The following ZNF804B variants were observed in gnomAD, a reference collection of about 807,000 sequenced individuals.
ZNF804B encodes the protein zinc finger 804B.
In ZNF804B, 80 loss-of-function variants were observed where a neutral mutation model predicts 101.4. That is an observed-to-expected ratio of 0.79 (90% confidence interval 0.66 to 0.95). The LOEUF (loss-of-function observed/expected upper bound fraction) is 0.95, where lower values mean the gene tolerates loss of function less well. Ranked by LOEUF, ZNF804B falls within the 40% of genes least tolerant of loss-of-function variation. The pLI is 0.00. For missense variants in ZNF804B, 1,673 were observed against 1,561.9 expected (o/e 1.07, Z -1.20); for synonymous variants, 622 against 558.8 (o/e 1.11, Z -1.59).
At chr7:89,301,099 GTTTTTTTT>G (rs5885673) in intron 2 of ZNF804B, among the ~76,000 whole-genome samples, 10 of 77,656 alleles carry the variant, frequency 1.3e-4, no homozygotes, top group African/African-American at 4.6e-4. Flanking sequence ...TTTCAAGCGT[GTTTTTTTT>G]TTTTTTTTTT....
chr7:88,998,381 A>C (rs1224021322), intron 1 of ZNF804B, among the ~76,000 whole-genome samples: 2 of 152,088 alleles, frequency 1.3e-5, no homozygotes, highest in East Asian at 3.9e-4. Flanking sequence ...CTGAATGTGC[A>C]TAAATGACAT....
chr7:89,336,800 C>A lies in ZNF804B; in HGVS notation c.3818C>A (p.Ala1273Asp). Reference sequence around the variant, plus strand: ...GGTCATCCCCTGCATTTAGTAGCTGCTACCCCCTTCCACCCATCTCACATA... The same window carrying A: ...GGTCATCCCCTGCATTTAGTAGCTGATACCCCCTTCCACCCATCTCACATA... ...LAGHPLHLVA[A>D]TPFHPSHITL... The change falls in exon 4 of 4, where the codon GCT becomes GAT. Residue 1273 changes from alanine (A) to aspartate (D), a missense_variant. Physicochemically the swap from Ala to Asp is moderately radical, Grantham distance 126 (BLOSUM62 -2). Coordinates refer to ENST00000333190, the MANE Select transcript of ZNF804B (RefSeq NM_181646.5). 6.2e-7 allele frequency: 1 copy of A among 1,614,070 alleles called. No individual in the cohort carries two copies. Among genetic ancestry groups the A allele is most frequent in the Middle Eastern group, 1.6e-4 (1 of 6,062 alleles).
intron 2 of ZNF804B, among the ~76,000 whole-genome samples, chr7:89,292,064 A>G (rs908465209): frequency 5.9e-5 from 9 of 152,168 alleles, no homozygotes; most frequent in Non-Finnish European, 1.3e-4. Context: ...TTCAAAAATG[A>G]AAGAGAAATA....
intron 1 of ZNF804B, among the ~76,000 whole-genome samples, chr7:88,941,861 T>G (rs1442220578): frequency 6.6e-6 from 1 of 151,836 alleles, no homozygotes; most frequent in East Asian, 1.9e-4. Context: ...CCATTGACAT[T>G]TCTGGGTTGT....
chr7:89,157,708 A>G (rs1023470027), intron 1 of ZNF804B, among the ~76,000 whole-genome samples: 2 of 152,142 alleles, frequency 1.3e-5, no homozygotes, highest in African/African-American at 2.4e-5. Context: ...AATCTTTTCT[A>G]GTGTCTAGTT....
At chr7:89,197,658 C>T (rs1034035113) in intron 1 of ZNF804B, among the ~76,000 whole-genome samples, 2 of 151,836 alleles carry the variant, frequency 1.3e-5, no homozygotes, top group African/African-American at 4.8e-5. Context: ...GATCTTGATT[C>T]AATCTATGTC....
intron 1 of ZNF804B, among the ~76,000 whole-genome samples, chr7:88,877,443 A>C (rs1466993611): frequency 6.6e-6 from 1 of 152,102 alleles, no homozygotes; most frequent in African/African-American, 2.4e-5. Flanking sequence ...TCTGTAATAC[A>C]TATCTATCTG....
At chr7:89,292,630 A>G (rs1790314192) in intron 2 of ZNF804B, among the ~76,000 whole-genome samples, 2 of 151,998 alleles carry the variant, frequency 1.3e-5, no homozygotes, top group African/African-American at 2.4e-5. Flanking sequence ...AATAGACAAA[A>G]AAAGAAGTAA....
At chr7:89,218,403 C>A (rs1788929579) in intron 2 of ZNF804B, 108 bp downstream of exon 2, 1 of 1,289,412 alleles carries the variant, frequency 7.8e-7, no homozygotes, top group Non-Finnish European at 1.1e-6. Context: ...GAGGTAAGAA[C>A]ATTTTATGTC....
chr7:89,158,318 CTCCGTATAATCT>C (rs1488294547), intron 1 of ZNF804B, among the ~76,000 whole-genome samples: 1 of 152,162 alleles, frequency 6.6e-6, no homozygotes, highest in African/African-American at 2.4e-5. Context: ...TGGCACTGCC[CTCCGTATAATCT>C]TCCCAGCTAA....
intron 1 of ZNF804B, among the ~76,000 whole-genome samples, chr7:89,085,087 T>G (rs969343019): frequency 2.6e-5 from 4 of 152,064 alleles, no homozygotes; most frequent in Admixed American, 1.3e-4. Context: ...AGGTTAATCT[T>G]TCCAAATCAA....
chr7:89,057,045 TTC>T (rs1789307494), intron 1 of ZNF804B, among the ~76,000 whole-genome samples: 1 of 152,100 alleles, frequency 6.6e-6, no homozygotes, highest in Non-Finnish European at 1.5e-5. Flanking sequence ...CTGGTCCCAT[TTC>T]TCTGAGGGGG....
chr7:88,951,611 A>G (rs896368031), intron 1 of ZNF804B, among the ~76,000 whole-genome samples: 5 of 151,914 alleles, frequency 3.3e-5, no homozygotes, highest in Non-Finnish European at 5.9e-5. Context: ...TTACTTTTAC[A>G]TTCAAGAAGT....
chr7:89,218,984 A>G (rs1788939498), intron 2 of ZNF804B, among the ~76,000 whole-genome samples: 1 of 152,064 alleles, frequency 6.6e-6, no homozygotes, highest in African/African-American at 2.4e-5. Context: ...TTCAGTTCAA[A>G]GGTCAACTGT....
rs371838898 is a variant in ZNF804B, at chr7:88,767,795, C to G, written c.108+7711C>G. On this transcript the variant is annotated intron_variant, in intron 1 of 3. Coordinates refer to ENST00000333190, the MANE Select transcript of ZNF804B (RefSeq NM_181646.5). ...ATGATTCTACTATTGTCCACTTATA[C>G]TGAAGAGTTCTTGACTATGACATGT... Among the ~76,000 whole-genome samples, 56 of 152,340 alleles carry G rather than the reference C, an allele frequency of 3.7e-4. 1 individual carries two copies. The highest frequency in any genetic ancestry group is 1.3e-3 in the African/African-American group (56 of 41,576).
chr7:89,160,285 T>C (rs1295997278), intron 1 of ZNF804B, among the ~76,000 whole-genome samples: 1 of 152,156 alleles, frequency 6.6e-6, no homozygotes, highest in Non-Finnish European at 1.5e-5. Flanking sequence ...CTCAATAGTG[T>C]CTTTCCTGTC....
intron 1 of ZNF804B, among the ~76,000 whole-genome samples, chr7:89,132,203 C>CACAG (rs1790563801): frequency 6.9e-6 from 1 of 145,778 alleles, no homozygotes; most frequent in Non-Finnish European, 1.5e-5. Flanking sequence ...CACACACACA[C>CACAG]AGTTTGATGC....
At chr7:88,933,467 G>C (rs1490887157) in intron 1 of ZNF804B, among the ~76,000 whole-genome samples, 4 of 151,816 alleles carry the variant, frequency 2.6e-5, no homozygotes, top group Admixed American at 2.0e-4. Flanking sequence ...AGAAACAAAG[G>C]GCATCCAAAT....
chr7:89,025,492 G>A (rs73385193), intron 1 of ZNF804B, among the ~76,000 whole-genome samples: 10,540 of 152,040 alleles, frequency 0.069, 439 homozygotes, highest in East Asian at 0.086. Context: ...AATTATGCAC[G>A]TTTGCCCAGT....
Sources: gnomAD v4.1 joint callset for allele counts (sites outside exome capture counted in the v4.1 genomes callset) on GRCh38, gnomAD v4.1.1 for gene constraint, MANE v1.5 for transcripts, NCBI Gene and HGNC (gene_info 2026-07-23, HGNC 2026-07-21) for gene names.